The following G6PC3 variants were observed in gnomAD, a reference collection of about 807,000 sequenced individuals.
G6PC3 encodes glucose-6-phosphatase 3.
G6PC3 carries 30 observed loss-of-function variants against 38.6 expected under a neutral mutation model. The ratio of observed to expected loss-of-function variants is 0.78; its 90% CI spans 0.58 to 1.05. The LOEUF (loss-of-function observed/expected upper bound fraction) is 1.05. G6PC3 is among the 50% of genes least tolerant of loss of function. The pLI is 0.00. For synonymous variants in G6PC3, 192 were observed against 178.1 expected (o/e 1.08, Z -0.62); for missense variants, 377 against 443.1 (o/e 0.85, Z 1.34).
chr17:44,074,432 G>A (rs1210162141), intron 2 of G6PC3, among the ~76,000 whole-genome samples, 166 bp downstream of exon 2: 1 of 152,164 alleles, frequency 6.6e-6, no homozygotes, highest in Non-Finnish European at 1.5e-5. Context: ...TGGGAGGAGG[G>A]CACTCATGCT....
chr17:44,071,753 C>A, intron 1 of G6PC3: 1 of 663,630 alleles, frequency 1.5e-6, no homozygotes, highest in Non-Finnish European at 2.4e-6. Context: ...AAAACGCAGA[C>A]TCTCAGGCCC....
chr17:44,071,288 C>G, intron 1 of G6PC3, 105 bp downstream of exon 1: 1 of 1,526,982 alleles, frequency 6.5e-7, no homozygotes, highest in Non-Finnish European at 8.8e-7. Flanking sequence ...GCCTTCCCAC[C>G]CCTACTCTGT....
chr17:44,071,869 ACTTTCTCTT>A (rs1382704135), intron 1 of G6PC3: 13 of 399,624 alleles, frequency 3.3e-5, no homozygotes, highest in Admixed American at 8.7e-5. Context: ...TCCAGGGAAC[ACTTTCTCTT>A]CTTTCTCTTT....
At chr17:44,071,283 C>T in intron 1 of G6PC3, 100 bp downstream of exon 1, 1 of 1,532,274 alleles carries the variant, frequency 6.5e-7, no homozygotes, top group East Asian at 2.4e-5. Context: ...CAAGGGCCTT[C>T]CCACCCCTAC....
chr17:44,075,624 A>G, intron 5 of G6PC3, 56 bp from the exon 6 acceptor site: 1 of 1,605,952 alleles, frequency 6.2e-7, no homozygotes, highest in Non-Finnish European at 8.5e-7. Flanking sequence ...GATGGCCAAG[A>G]GCCAGTGGCC....
chr17:44,074,020 T>C, intron 1 of G6PC3, 140 bp from the exon 2 acceptor site: 1 of 770,268 alleles, frequency 1.3e-6, no homozygotes, highest in Non-Finnish European at 2.4e-6. Flanking sequence ...CATGGATACC[T>C]TGAGAGCAGT....
In G6PC3 at chr17:44,071,180, A is replaced by G; in HGVS notation, c.215A>G (p.Lys72Arg). ...ACCGAGTGGCTCAACCTCATCTTCA[A>G]GTGGTGAGACAGAGAAGCCCTCCGG... ...LITEWLNLIF[K>R]WFLFGDRPFW... Residue 72 changes from lysine (K) to arginine (R), a missense_variant, in exon 1 of 6, where the codon AAG (lysine) becomes AGG (arginine). Physicochemically the swap from Lys to Arg is conservative, Grantham distance 26. Coordinates refer to ENST00000269097, the MANE Select transcript of G6PC3 (RefSeq NM_138387.4). 6.2e-7 allele frequency: 1 copy of G among 1,613,066 alleles called. No individual in the cohort carries two copies. Among genetic ancestry groups the G allele is most frequent in the Non-Finnish European group, 8.5e-7 (1 of 1,179,854 alleles).
chr17:44,075,750 TCCCTGAGCCGTGACTCAGGGGCTG>T lies in G6PC3; in HGVS notation c.754_777del (p.Ser252_Leu259del). On this transcript the variant is annotated inframe_deletion, in exon 6 of 6. Transcript: ENST00000269097. ...ACACGTGGATAGCCGGCCCTTTGCCTCCCTGAGCCGTGACTCAGGGGCTGCCCTGGGCCTGGGCATTGCCTTGCA... is the reference window on the plus strand; with the variant it reads ...ACACGTGGATAGCCGGCCCTTTGCCTCCCTGGGCCTGGGCATTGCCTTGCA... 6.2e-7 allele frequency: 1 copy of T among 1,612,690 alleles called. No individual in the cohort carries two copies. Among genetic ancestry groups the T allele is most frequent in the Non-Finnish European group, 8.5e-7 (1 of 1,180,000 alleles).
At chr17:44,075,188 C>T in intron 4 of G6PC3, 101 bp downstream of exon 4, 2 of 1,502,564 alleles carry the variant, frequency 1.3e-6, no homozygotes, top group Non-Finnish European at 1.8e-6. Context: ...TAGAGCCCAC[C>T]CCAGAGGCCC....
rs967820362 is a variant in G6PC3 at position 44,074,733 on chromosome 17, A to G, written c.379A>G (p.Thr127Ala). The G allele has an allele frequency of 1.9e-6, 3 of 1,613,826 alleles. No individual in the cohort carries two copies. The African/African-American group carries it at 4.0e-5, about 22-fold the overall frequency. ...AGGAGCAGCCCTCTGGCCCATAATG[A>G]CGGCCCTGTCTTCGCAGGTGGCCAC... ...ITGAALWPIMTALSSQVATRA... is the reference protein window; with the variant it reads ...ITGAALWPIMAALSSQVATRA... Residue 127 changes from threonine (T) to alanine (A), a missense_variant, in exon 3 of 6, where the codon ACG becomes GCG. Physicochemically the swap from Thr to Ala is moderately conservative, Grantham distance 58 (BLOSUM62 0). Transcript: ENST00000269097.
chr17:44,073,094 C>T (rs898065943), intron 1 of G6PC3: 3 of 152,310 alleles, frequency 2.0e-5, no homozygotes, highest in Admixed American at 1.3e-4. Flanking sequence ...GCCACAGCAG[C>T]CTCTTCATTG....
intron 3 of G6PC3, 89 bp from the exon 4 acceptor site, chr17:44,074,880 G>C (rs1258996848): frequency 9.4e-5 from 138 of 1,464,546 alleles, no homozygotes; most frequent in Non-Finnish European, 3.8e-6. Context: ...ACCCTAGGTT[G>C]TGTGGTTCAA....
chr17:44,074,727 A>G lies in G6PC3; in HGVS notation c.373A>G (p.Ile125Val), dbSNP rs779118255. The change falls in exon 3 of 6, where the codon ATA becomes GTA. Residue 125 changes from isoleucine (I) to valine (V), a missense_variant. Physicochemically the swap from Ile to Val is conservative, Grantham distance 29. Coordinates refer to ENST00000269097, the MANE Select transcript of G6PC3 (RefSeq NM_138387.4). ...GATCACAGGAGCAGCCCTCTGGCCC[A>G]TAATGACGGCCCTGTCTTCGCAGGT... ...CMITGAALWP[I>V]MTALSSQVAT... 1 of 1,614,080 alleles carries G rather than the reference A, an allele frequency of 6.2e-7. No homozygotes were observed. Among genetic ancestry groups the G allele is most frequent in the South Asian group, 1.1e-5 (1 of 91,020 alleles).
Position 44,074,678 on chromosome 17 carries a change from A to G in G6PC3, c.326-2A>G. 6.2e-7 allele frequency: 1 copy of G among 1,614,174 alleles called. No homozygotes were observed. Among genetic ancestry groups the G allele is most frequent in the East Asian group, 2.2e-5 (1 of 44,882 alleles). On this transcript the variant is annotated splice_acceptor_variant, in intron 2 of 5. Transcript: ENST00000269097. LOFTEE classifies it high-confidence loss of function. ...ACCACGAGCTTCTGGATTTGCTGGC[A>G]GGCAGCCCTTCTGGACACTGCATGA...
intron 1 of G6PC3, chr17:44,073,913 T>G (rs1199688001): frequency 2.1e-6 from 1 of 487,204 alleles, no homozygotes; most frequent in Admixed American, 3.3e-5. Flanking sequence ...TTTTTAAAAA[T>G]AGTGTTTCCA....
intron 4 of G6PC3, 53 bp from the exon 5 acceptor site, chr17:44,075,257 G>A (rs2050067824): frequency 1.9e-6 from 3 of 1,610,916 alleles, no homozygotes; most frequent in Admixed American, 3.3e-5. Flanking sequence ...GGTCGGGGTG[G>A]GGAGGGTCAT....
Position 44,070,874 on chromosome 17 carries a change from CT to C in G6PC3, c.-89del, listed in dbSNP as rs1478755005. On this transcript the variant is annotated 5_prime_UTR_variant, in exon 1 of 6. Transcript: ENST00000269097. ...GGGGCCTGGGGCTCAGAGGGGTGGG[CT>C]TTGGAGATCAGAGGGTCGACGCTGC... The C allele has an allele frequency of 2.1e-5, 30 of 1,434,624 alleles. No individual in the cohort carries two copies. In the Admixed American group the frequency reaches 2.2e-4, roughly 10 times the overall value. 88.9% of individuals were successfully genotyped at this position (1,434,624 alleles called of 1,614,324 possible).
rs1026233700 is a variant in G6PC3 at position 44,076,066 on chromosome 17, T to C, written c.*23T>C. On this transcript the variant is annotated 3_prime_UTR_variant, in exon 6 of 6. Coordinates refer to ENST00000269097, the MANE Select transcript of G6PC3 (RefSeq NM_138387.4). ...TGACTTCTTGTGTGCCTCCCTTTCC[T>C]TTCCCTCCCACAAAGCCAACACTCT... The C allele has an allele frequency of 1.2e-6, 2 of 1,610,908 alleles. No individual in the cohort carries two copies. The highest frequency in any genetic ancestry group is 1.7e-6 in the Non-Finnish European group (2 of 1,179,964).
intron 1 of G6PC3, 24 bp from the exon 2 acceptor site, chr17:44,074,136 C>T: frequency 6.5e-7 from 1 of 1,540,482 alleles, no homozygotes; most frequent in Non-Finnish European, 9.0e-7. Flanking sequence ...TGTGGAAAGT[C>T]ATCTTGCATC....
Sources: allele counts gnomAD v4.1 joint callset (sites outside exome capture counted in the v4.1 genomes callset), GRCh38; gene constraint gnomAD v4.1.1; transcripts MANE v1.5; gene names NCBI Gene and HGNC (gene_info 2026-07-23, HGNC 2026-07-21).